LPCAT1: variants seen among roughly 807,000 people sequenced by gnomAD.
LPCAT1 encodes lysophosphatidylcholine acyltransferase 1.
Under a neutral mutation model 60.9 loss-of-function variants are expected in LPCAT1, and 23 were observed. That is an observed-to-expected ratio of 0.38 (90% CI 0.27 to 0.53). The LOEUF (loss-of-function observed/expected upper bound fraction) is 0.53. Ranked by LOEUF, LPCAT1 falls within the 20% of genes least tolerant of loss-of-function variation. The pLI is 0.82. For synonymous variants in LPCAT1, 340 were observed against 301.1 expected, an observed-to-expected ratio of 1.13 and a Z score of -1.34; for missense variants, 622 against 723.6, an observed-to-expected ratio of 0.86 and a Z score of 1.61.
rs1010995730 is a variant in LPCAT1 at position 1,487,263 on chromosome 5, C to T, written c.667+1128G>A. On this transcript the variant is annotated intron_variant, in intron 5 of 13. Transcript: ENST00000283415. The surrounding 1 kb of genome is among the most constrained non-coding windows in gnomAD (Gnocchi z 6.1). ...GTTGCCCACAGGCCACGCCCAGGCA[C>T]GGACCCAGTGTGGTGGGGGCACACG... is the stretch of plus-strand genomic sequence containing the variant. 3.9e-5 allele frequency among the ~76,000 whole-genome samples: 6 copies of T among 152,234 alleles called. No individual in the cohort carries two copies. The highest frequency in any genetic ancestry group is 4.8e-5 in the African/African-American group (2 of 41,454).
At chr5:1,466,405 C>G (rs550744758) in intron 13 of LPCAT1, among the ~76,000 whole-genome samples, 3 of 152,174 alleles carry the variant, frequency 2.0e-5, no homozygotes, top group Non-Finnish European at 4.4e-5. Context: ...CTGGCAGTGA[C>G]AAAGCCCACA....
At position 1,489,771 on chromosome 5, in the gene LPCAT1, G is replaced by A. The variant is rs147744743; in HGVS notation, c.581C>T (p.Ala194Val). 1.2e-4 allele frequency: 200 copies of A among 1,613,654 alleles called. No homozygotes were observed. In the African/African-American group the frequency reaches 1.6e-3, roughly 13 times the overall value. ...CTGTGGCCACTTTCCGTTGGACTGC[G>A]CCCGTCTCTTGATTTCTTCTACTGT... ...RKTVEEIKRR[A>V]QSNGKWPQIM... Residue 194 changes from alanine (A) to valine (V), a missense_variant, in exon 4 of 14, where the codon GCG becomes GTG. Ala to Val is a moderately conservative substitution (Grantham distance 64). Around this residue, in one of 3 missense-constraint regions of LPCAT1, gnomAD observed 209 missense variants for 325.5 expected, o/e 0.64. Coordinates refer to ENST00000283415, the MANE Select transcript of LPCAT1 (RefSeq NM_024830.5).
intron 1 of LPCAT1, among the ~76,000 whole-genome samples, chr5:1,515,148 G>A (rs1736468115): frequency 6.6e-6 from 1 of 150,644 alleles, no homozygotes; most frequent in Non-Finnish European, 1.5e-5. Flanking sequence ...CGAACTGGCC[G>A]CAGATACAGG....
chr5:1,482,874 T>C (rs753650812), intron 6 of LPCAT1, among the ~76,000 whole-genome samples: 1 of 152,092 alleles, frequency 6.6e-6, no homozygotes, highest in Non-Finnish European at 1.5e-5. Context: ...CCCCAGGAGC[T>C]CTGGACCCCA....
intron 6 of LPCAT1, among the ~76,000 whole-genome samples, chr5:1,482,716 CTGGGG>C (rs527826129): frequency 1.2e-4 from 3 of 25,850 alleles, no homozygotes; most frequent in Non-Finnish European, 2.3e-4. Context: ...CCAGGGCAGG[CTGGGG>C]TGGGGTGGGG....
rs976638246 is a variant in LPCAT1, at chr5:1,523,306, A to C, written c.135+404T>G. On this transcript the variant is annotated intron_variant, in intron 1 of 13. Transcript: ENST00000283415. This position sits in a 1 kb window ranked among gnomAD's most constrained non-coding sequence, Gnocchi z 7.1. ...TGCCAAGGCGGGCGGGGCCCGGACCAGGGACGAGCGCGGGGACCGGCGATG... is the reference window on the plus strand; with the variant it reads ...TGCCAAGGCGGGCGGGGCCCGGACCCGGGACGAGCGCGGGGACCGGCGATG... Among the ~76,000 whole-genome samples the C allele has an allele frequency of 1.1e-3, 165 of 151,994 alleles. No homozygotes were observed. The highest frequency in any genetic ancestry group is 3.6e-3 in the African/African-American group (149 of 41,510).
chr5:1,507,654 G>A (rs1298084780), intron 1 of LPCAT1, among the ~76,000 whole-genome samples: 1 of 152,192 alleles, frequency 6.6e-6, no homozygotes, highest in Non-Finnish European at 1.5e-5. Flanking sequence ...TGCAGTCCCA[G>A]GAGCACGGCG....
In LPCAT1 at chr5:1,495,379, G is replaced by A. The variant is rs372508706; in HGVS notation, c.279-465C>T. ...AGGGCGGAAGCTGAGACCTGCGTGC[G>A]AACTTCCCCATCTCATCTCCACAGG... On this transcript the variant is annotated intron_variant, in intron 2 of 13. Coordinates refer to ENST00000283415, the MANE Select transcript of LPCAT1 (RefSeq NM_024830.5). The surrounding 1 kb of genome is among the most constrained non-coding windows in gnomAD (Gnocchi z 4.7). 2.0e-5 allele frequency among the ~76,000 whole-genome samples: 3 copies of A among 152,036 alleles called. No homozygotes were observed. The highest frequency in any genetic ancestry group is 4.4e-5 in the Non-Finnish European group (3 of 67,972).
Position 1,521,363 on chromosome 5 carries a change from G to T in LPCAT1, c.135+2347C>A, listed in dbSNP as rs1243437051. ...GGTACTCACTGGTTTATCTCAACTGGGAACTTAGCTGGGTTTCTGCGGGTT... is the reference window on the plus strand; with the variant it reads ...GGTACTCACTGGTTTATCTCAACTGTGAACTTAGCTGGGTTTCTGCGGGTT... On this transcript the variant is annotated intron_variant, in intron 1 of 13. Coordinates refer to ENST00000283415, the MANE Select transcript of LPCAT1 (RefSeq NM_024830.5). The surrounding 1 kb of genome is among the most constrained non-coding windows in gnomAD (Gnocchi z 4.3). 1 of 985,310 alleles carries T rather than the reference G, an allele frequency of 1.0e-6. No individual in the cohort carries two copies. The highest frequency in any genetic ancestry group is 1.1e-4 in the East Asian group (1 of 8,836). The allele number at this position is 985,310 out of a possible 1,614,324, so 61.0% of individuals were successfully genotyped here.
At chr5:1,465,063 ACG>A (rs1225451864) in intron 13 of LPCAT1, among the ~76,000 whole-genome samples, 3 of 100,202 alleles carry the variant, frequency 3.0e-5, no homozygotes, top group African/African-American at 7.0e-5. Flanking sequence ...GCACAAGTGC[ACG>A]CACACACACG....
chr5:1,505,650 C>T (rs1377400017), intron 1 of LPCAT1, among the ~76,000 whole-genome samples: 6 of 152,246 alleles, frequency 3.9e-5, no homozygotes, highest in Non-Finnish European at 7.3e-5. Context: ...ACGTGACCCT[C>T]GGCTCGCGCA....
At chr5:1,467,803 C>T (rs1219345299) in intron 12 of LPCAT1, among the ~76,000 whole-genome samples, 1 of 152,162 alleles carries the variant, frequency 6.6e-6, no homozygotes, top group East Asian at 1.9e-4. Flanking sequence ...CCTGGGCTCC[C>T]TCAGATGGGC....
Position 1,496,607 on chromosome 5 carries a change from G to A in LPCAT1, c.279-1693C>T, listed in dbSNP as rs576397214. ...GGAAAAAAGGGATTAAAACCCGGGC[G>A]GCCCTTAGAGGAACACACCTGCCAG... On this transcript the variant is annotated intron_variant, in intron 2 of 13. Transcript: ENST00000283415. This position sits in a 1 kb window ranked among gnomAD's most constrained non-coding sequence, Gnocchi z 4.7. Among the ~76,000 whole-genome samples the A allele has an allele frequency of 6.6e-6, 1 of 152,064 alleles. No individual in the cohort carries two copies. Among genetic ancestry groups the A allele is most frequent in the Non-Finnish European group, 1.5e-5 (1 of 67,994 alleles).
chr5:1,475,259 C>A (rs1427314122), intron 9 of LPCAT1, among the ~76,000 whole-genome samples: 1 of 152,232 alleles, frequency 6.6e-6, no homozygotes, highest in East Asian at 1.9e-4. Context: ...CAAACTTAGG[C>A]ATCATCATTT....
At chr5:1,467,512 T>C (rs2126476744) in intron 12 of LPCAT1, among the ~76,000 whole-genome samples, 1 of 151,974 alleles carries the variant, frequency 6.6e-6, no homozygotes, top group African/African-American at 2.4e-5. Context: ...GCTCCGGCCC[T>C]CTCTGTGCAG....
Position 1,521,201 on chromosome 5 carries a change from G to A in LPCAT1, c.135+2509C>T, listed in dbSNP as rs900614237. 1 of 371,374 alleles carries A rather than the reference G, an allele frequency of 2.7e-6. No homozygotes were observed. The highest frequency in any genetic ancestry group is 1.1e-4 in the South Asian group (1 of 9,026). The allele number at this position is 371,374 out of a possible 1,614,324, so 23.0% of individuals were successfully genotyped here. A position where few individuals can be genotyped will look rare whatever the true frequency, so the allele number is the denominator to read the frequency against. On this transcript the variant is annotated intron_variant, in intron 1 of 13. Coordinates refer to ENST00000283415, the MANE Select transcript of LPCAT1 (RefSeq NM_024830.5). The surrounding 1 kb of genome is among the most constrained non-coding windows in gnomAD (Gnocchi z 4.3). ...CTTAATGTGCTGTTTTCTGTCCAAAGAGATACTTAAGCTCCTCACTAAATC... is the reference window on the plus strand; with the variant it reads ...CTTAATGTGCTGTTTTCTGTCCAAAAAGATACTTAAGCTCCTCACTAAATC...
rs1734820490 is a variant in LPCAT1 at position 1,474,569 on chromosome 5, C to T, written c.1016G>A (p.Arg339Gln). The T allele has an allele frequency of 3.7e-6, 6 of 1,613,914 alleles. No individual in the cohort carries two copies. The highest frequency in any genetic ancestry group is 2.2e-5 in the East Asian group (1 of 44,886). ...AGAACCAGGTACTCACCCGAGGCCC[C>T]GCACGAGCCTGGCAAATTCTAAAAG... Reference protein sequence around the residue: ...TCLLEFARLVRGLGLKPEKLE... With the variant: ...TCLLEFARLVQGLGLKPEKLE... Residue 339 changes from arginine to glutamine, a missense_variant, in exon 10 of 14, where the codon CGG becomes CAG. Transcript: ENST00000283415.
At chr5:1,478,248 C>T (rs1735003460) in intron 8 of LPCAT1, among the ~76,000 whole-genome samples, 2 of 152,242 alleles carry the variant, frequency 1.3e-5, no homozygotes, top group Non-Finnish European at 2.9e-5. Flanking sequence ...GGAAAGGGCA[C>T]AAGACTACCC....
chr5:1,504,920 G>A (rs1177058153), intron 1 of LPCAT1, among the ~76,000 whole-genome samples: 21 of 152,244 alleles, frequency 1.4e-4, no homozygotes. Flanking sequence ...CTCTGGTGCT[G>A]CAGCCAACTC....
Sources: gnomAD v4.1 joint callset for allele counts (sites outside exome capture counted in the v4.1 genomes callset) on GRCh38, gnomAD v4.1.1 for gene constraint, gnomAD v4.1.1 regional missense constraint, Gnocchi (gnomAD v3.1) non-coding constraint, MANE v1.5 for transcripts, NCBI Gene and HGNC (gene_info 2026-07-23, HGNC 2026-07-21) for gene names.